Variants in CNOT10 observed in about 807,000 individuals in gnomAD.
CNOT10 encodes the protein CCR4-NOT transcription complex, subunit 10.
Under a neutral mutation model 94.6 loss-of-function variants are expected in CNOT10, and 30 were observed. The observed-to-expected ratio is 0.32, with a 90% CI of 0.24 to 0.43. The LOEUF is 0.43. Ranked by LOEUF, CNOT10 falls within the 20% of genes least tolerant of loss-of-function variation. The pLI is 1.00. For missense variants in CNOT10, 759 were observed against 877.2 expected (o/e 0.87, Z 1.70); for synonymous variants, 289 against 301.6 (o/e 0.96, Z 0.43).
In CNOT10 at chr3:32,685,253, G is replaced by C. The variant is rs1211602396; in HGVS notation, c.-208G>C. On this transcript the variant is annotated 5_prime_UTR_variant, in exon 1 of 19. Coordinates refer to ENST00000328834, the MANE Select transcript of CNOT10 (RefSeq NM_015442.3). ...CGGGAGGCTGTGGCGGTCCCTTGGT[G>C]GGGAAGCTGTTGCTGTTGCTAGACG... 3.6e-6 allele frequency: 2 copies of C among 551,494 alleles called. No individual in the cohort carries two copies. The highest frequency in any genetic ancestry group is 1.9e-5 in the African/African-American group (1 of 51,498). The allele number at this position is 551,494 out of a possible 1,614,324, so 34.2% of individuals were successfully genotyped here. A position where few individuals can be genotyped will look rare whatever the true frequency, so the allele number is the denominator to read the frequency against.
intron 14 of CNOT10, among the ~76,000 whole-genome samples, chr3:32,760,396 C>A (rs989346631): frequency 8.5e-5 from 13 of 152,182 alleles, no homozygotes; most frequent in African/African-American, 2.6e-4. Flanking sequence ...CTTTGGGAGG[C>A]TGAGGTAGGC....
chr3:32,691,176 T>G (rs1696834782), intron 1 of CNOT10, among the ~76,000 whole-genome samples: 1 of 149,780 alleles, frequency 6.7e-6, no homozygotes. Flanking sequence ...TTTTTTTTTT[T>G]TTTGAGATGG....
chr3:32,687,434 TCA>T (rs1696650811), intron 1 of CNOT10, among the ~76,000 whole-genome samples: 1 of 114,986 alleles, frequency 8.7e-6, no homozygotes, highest in African/African-American at 3.3e-5. Context: ...TTTTAAGTCC[TCA>T]CGGTTTTTTT....
intron 15 of CNOT10, 69 bp from the exon 16 acceptor site, chr3:32,764,386 C>T: frequency 6.7e-7 from 1 of 1,498,504 alleles, no homozygotes; most frequent in South Asian, 1.2e-5. Flanking sequence ...ACCTTCTGAG[C>T]CCGAGGAGAA....
intron 8 of CNOT10, among the ~76,000 whole-genome samples, chr3:32,722,758 C>T (rs1364355451): frequency 6.6e-6 from 1 of 151,818 alleles, no homozygotes; most frequent in Non-Finnish European, 1.5e-5. Context: ...CTGAGGCCGA[C>T]GGATCACTTG....
chr3:32,695,887 A>G, intron 1 of CNOT10: 1 of 1,317,526 alleles, frequency 7.6e-7, no homozygotes, highest in Non-Finnish European at 1.0e-6. Context: ...AACTGATTAC[A>G]AAAATGAATA....
chr3:32,693,200 GT>G (rs915195084), intron 1 of CNOT10, among the ~76,000 whole-genome samples: 11 of 151,782 alleles, frequency 7.2e-5, no homozygotes, highest in Middle Eastern at 3.2e-3. Context: ...ATTTAAAGTG[GT>G]TTTTTTTCTT....
At chr3:32,687,852 C>G (rs905472341) in intron 1 of CNOT10, 1 of 152,250 alleles carries the variant, frequency 6.6e-6, no homozygotes, top group Admixed American at 6.5e-5. Flanking sequence ...ATTACTGTTG[C>G]AAAGCATTGT....
intron 1 of CNOT10, among the ~76,000 whole-genome samples, chr3:32,699,685 G>A (rs546182770): frequency 1.1e-4 from 17 of 152,262 alleles, no homozygotes; most frequent in Admixed American, 8.5e-4. Flanking sequence ...TACTATGACA[G>A]ATGCAACTCT....
At chr3:32,740,515 A>G (rs1259857473) in intron 13 of CNOT10, among the ~76,000 whole-genome samples, 1 of 152,114 alleles carries the variant, frequency 6.6e-6, no homozygotes, top group Non-Finnish European at 1.5e-5. Flanking sequence ...GTAAAGATAC[A>G]GAACTTTTTT....
rs537718737 is a variant in CNOT10 at position 32,752,633 on chromosome 3, A to G, written c.1596-6825A>G. On this transcript the variant is annotated intron_variant, in intron 13 of 18. Transcript: ENST00000328834. ...CAGAACTGTTATTAGCAAAATGTTT[A>G]CAGAAGATAAAATTAAAAACTAATT... Among the ~76,000 whole-genome samples the G allele has an allele frequency of 2.6e-5, 4 of 152,340 alleles. No homozygotes were observed. The South Asian group carries it at 8.3e-4, about 32-fold the overall frequency.
At chr3:32,752,481 T>C (rs781562942) in intron 13 of CNOT10, among the ~76,000 whole-genome samples, 30 of 152,204 alleles carry the variant, frequency 2.0e-4, no homozygotes, top group Non-Finnish European at 3.8e-4. Flanking sequence ...TTTTATTTGC[T>C]GCCCAGGATA....
chr3:32,694,088 A>G (rs1696956027), intron 1 of CNOT10, among the ~76,000 whole-genome samples: 1 of 151,964 alleles, frequency 6.6e-6, no homozygotes, highest in South Asian at 2.1e-4. Context: ...TTAAAATTGA[A>G]TATATTGTTG....
chr3:32,751,084 G>A (rs1699943188), intron 13 of CNOT10, among the ~76,000 whole-genome samples: 3 of 151,866 alleles, frequency 2.0e-5, no homozygotes, highest in South Asian at 4.2e-4. Flanking sequence ...TAAAATCAAA[G>A]CATACAAAAT....
intron 1 of CNOT10, among the ~76,000 whole-genome samples, chr3:32,693,742 A>G (rs1181953188): frequency 6.6e-6 from 1 of 151,638 alleles, no homozygotes; most frequent in Non-Finnish European, 1.5e-5. Flanking sequence ...AGGTTTCGTC[A>G]TGTTGCCCAG....
chr3:32,764,136 A>AG (rs1700563082), intron 15 of CNOT10: 1 of 249,348 alleles, frequency 4.0e-6, no homozygotes, highest in Non-Finnish European at 7.5e-6. Context: ...TCCAAAAAAA[A>AG]AACCAGCCTG....
At chr3:32,701,101 C>T (rs1697321470) in intron 1 of CNOT10, among the ~76,000 whole-genome samples, 1 of 152,032 alleles carries the variant, frequency 6.6e-6, no homozygotes, top group Non-Finnish European at 1.5e-5. Flanking sequence ...ATGGCAAAAC[C>T]CCGTCTCTAC....
chr3:32,730,019 C>G (rs868073310), intron 10 of CNOT10, among the ~76,000 whole-genome samples: 2 of 151,874 alleles, frequency 1.3e-5, no homozygotes, highest in African/African-American at 4.8e-5. Flanking sequence ...CCGCCCGCCT[C>G]GGCCTCCCAA....
chr3:32,699,811 A>G (rs1353520532), intron 1 of CNOT10, among the ~76,000 whole-genome samples: 1 of 152,092 alleles, frequency 6.6e-6, no homozygotes, highest in Non-Finnish European at 1.5e-5. Flanking sequence ...AAAGAACCCC[A>G]TAACCAGTGT....
Sources: allele counts gnomAD v4.1 joint callset (sites outside exome capture counted in the v4.1 genomes callset), GRCh38; gene constraint gnomAD v4.1.1; transcripts MANE v1.5; gene names NCBI Gene and HGNC (gene_info 2026-07-23, HGNC 2026-07-21).